ZNF654: variants seen among roughly 807,000 people sequenced by gnomAD.
The protein encoded by ZNF654 is melanoma-associated antigen.
In ZNF654, 19 loss-of-function variants were observed where a neutral mutation model predicts 95.3. The ratio of observed to expected loss-of-function variants is 0.20; its 90% CI spans 0.14 to 0.29. ZNF654 has a LOEUF of 0.29. Ranked by LOEUF, ZNF654 falls within the 10% of genes least tolerant of loss-of-function variation. The pLI is 1.00. For missense variants in ZNF654, 1,046 were observed against 1,341.0 expected, an observed-to-expected ratio of 0.78 and a Z score of 3.44; for synonymous variants, 413 against 457.9, an observed-to-expected ratio of 0.90 and a Z score of 1.25.
chr3:88,076,087 A>G (rs1306984357), intron 1 of ZNF654, among the ~76,000 whole-genome samples: 1 of 152,194 alleles, frequency 6.6e-6, no homozygotes, highest in Non-Finnish European at 1.5e-5. Context: ...ATGCACCTGA[A>G]ATGCTTCAGA....
At chr3:88,094,402 G>A (rs1206632920) in intron 2 of ZNF654, among the ~76,000 whole-genome samples, 4 of 152,132 alleles carry the variant, frequency 2.6e-5, no homozygotes, top group African/African-American at 9.7e-5. Flanking sequence ...TGAGCAAAGA[G>A]ATAGATTACT....
At chr3:88,113,343 T>C in intron 3 of ZNF654, 147 bp downstream of exon 3, 1 of 471,194 alleles carries the variant, frequency 2.1e-6, no homozygotes, top group Non-Finnish European at 3.7e-6. Context: ...TATTACTGGC[T>C]GATAAAGAAA....
chr3:88,101,139 A>G (rs1241892616), intron 2 of ZNF654, among the ~76,000 whole-genome samples: 1 of 152,180 alleles, frequency 6.6e-6, no homozygotes, highest in Non-Finnish European at 1.5e-5. Context: ...AAAAGTATAA[A>G]ATCCATATAA....
intron 7 of ZNF654, among the ~76,000 whole-genome samples, chr3:88,137,938 C>T (rs1213032510): frequency 3.3e-5 from 5 of 152,024 alleles, no homozygotes; most frequent in Non-Finnish European, 5.9e-5. Context: ...TATGGTGTCT[C>T]CTCCAATCAA....
intron 1 of ZNF654, among the ~76,000 whole-genome samples, chr3:88,067,767 A>G (rs926088838): frequency 5.9e-5 from 9 of 152,236 alleles, no homozygotes; most frequent in African/African-American, 2.2e-4. Context: ...AGGTTGGAGT[A>G]GTTCCAAGAG....
Position 88,140,961 on chromosome 3 carries a change from A to G in ZNF654, c.3292A>G (p.Thr1098Ala). Residue 1098 changes from threonine to alanine, a missense_variant, in exon 8 of 9, where the codon ACC (threonine) becomes GCC (alanine). Thr to Ala is a moderately conservative substitution (Grantham distance 58). Transcript: ENST00000636215. ...AAGATTAAGATGTGGCAAATGCCTGACCACCTACTGTAATGCAGAAGCACT... is the reference window on the plus strand; with the variant it reads ...AAGATTAAGATGTGGCAAATGCCTGGCCACCTACTGTAATGCAGAAGCACT... ...VKRLRCGKCL[T>A]TYCNAEALEA... 1 of 1,613,528 alleles carries G rather than the reference A, an allele frequency of 6.2e-7. No individual in the cohort carries two copies. The highest frequency in any genetic ancestry group is 8.5e-7 in the Non-Finnish European group (1 of 1,179,594).
intron 1 of ZNF654, among the ~76,000 whole-genome samples, chr3:88,074,233 A>G (rs1182056923): frequency 6.6e-6 from 1 of 151,920 alleles, no homozygotes; most frequent in African/African-American, 2.4e-5. Context: ...TGATTTAGAG[A>G]TGGGTATTTT....
chr3:88,115,262 A>G (rs1348538073), intron 3 of ZNF654, among the ~76,000 whole-genome samples: 4 of 152,112 alleles, frequency 2.6e-5, no homozygotes, highest in African/African-American at 9.7e-5. Flanking sequence ...TCTTTGTTGG[A>G]TTTGAGTTAA....
intron 4 of ZNF654, among the ~76,000 whole-genome samples, chr3:88,126,853 C>A (rs189868636): frequency 6.6e-6 from 1 of 152,222 alleles, no homozygotes; most frequent in East Asian, 1.9e-4. Context: ...AGCAGTATTT[C>A]CCAAACTTCA....
chr3:88,134,457 A>G (rs1706651823), intron 6 of ZNF654, among the ~76,000 whole-genome samples: 1 of 152,086 alleles, frequency 6.6e-6, no homozygotes, highest in Non-Finnish European at 1.5e-5. Context: ...GCCTTTGCCT[A>G]AAAACCCACC....
intron 3 of ZNF654, among the ~76,000 whole-genome samples, chr3:88,124,101 A>T (rs1383770256): frequency 6.6e-6 from 1 of 152,208 alleles, no homozygotes; most frequent in Non-Finnish European, 1.5e-5. Context: ...AGATGCCCTA[A>T]AATAAGATAT....
chr3:88,086,878 G>A (rs1224676413), intron 2 of ZNF654, among the ~76,000 whole-genome samples: 1 of 152,148 alleles, frequency 6.6e-6, no homozygotes, highest in Non-Finnish European at 1.5e-5. Context: ...CCCCTCCCGG[G>A]TTCACGCCAT....
Position 88,141,659 on chromosome 3 carries a change from C to T in ZNF654, c.*7C>T, listed in dbSNP as rs7432838. 1,280,657 of 1,498,578 alleles carry T rather than the reference C, an allele frequency of 0.85. 548,670 individuals are homozygous for T. Among genetic ancestry groups the T allele is most frequent in the East Asian group, 0.95 (39,710 of 41,956 alleles). The allele number at this position is 1,498,578 out of a possible 1,614,324, so 92.8% of individuals were successfully genotyped here. A position where few individuals can be genotyped will look rare whatever the true frequency, so the allele number is the denominator to read the frequency against. On this transcript the variant is annotated 3_prime_UTR_variant, in exon 9 of 9. Coordinates refer to ENST00000636215, the MANE Select transcript of ZNF654 (RefSeq NM_001350134.2). ...CTGTTTTACAGGTGCCTGATGAAAA[C>T]GGTTCAGAAAGATCTGTCAATCAAG...
intron 6 of ZNF654, 61 bp from the exon 7 acceptor site, chr3:88,135,000 G>C: frequency 8.5e-7 from 1 of 1,175,926 alleles, no homozygotes; most frequent in Non-Finnish European, 1.1e-6. Flanking sequence ...GGGAAAGATA[G>C]CTAATGTCTG....
At position 88,126,116 on chromosome 3, in the gene ZNF654, A is replaced by T. The variant is rs1443778543; in HGVS notation, c.415-18A>T. ...ACCCCTTTAAATTCACAGAGCCAAA[A>T]TGATTTTTCTCTCCTAGGAATGCCA... On this transcript the variant is annotated intron_variant, in intron 3 of 8. Transcript: ENST00000636215. 4.1e-6 allele frequency: 6 copies of T among 1,465,722 alleles called. No homozygotes were observed. The highest frequency in any genetic ancestry group is 4.5e-6 in the Non-Finnish European group (5 of 1,108,858). The allele number at this position is 1,465,722 out of a possible 1,614,324, so 90.8% of individuals were successfully genotyped here.
intron 2 of ZNF654, among the ~76,000 whole-genome samples, chr3:88,087,400 T>C (rs1708393900): frequency 6.6e-6 from 1 of 152,214 alleles, no homozygotes; most frequent in African/African-American, 2.4e-5. Context: ...TAAAAAATGC[T>C]TATAGAGAAC....
Position 88,139,429 on chromosome 3 carries a change from T to G in ZNF654, c.1760T>G (p.Met587Arg), listed in dbSNP as rs777446476. Residue 587 changes from methionine to arginine, a missense_variant, in exon 8 of 9, where the codon ATG (methionine) becomes AGG (arginine). Transcript: ENST00000636215. The stretch of plus-strand genomic sequence containing the variant: ...AGGAAATTTAGAAACAGAGGACTTA[T>G]GCAGAAGCATTTGAAGAATCATGTT... ...CGRKFRNRGLMQKHLKNHVKK... is the reference protein window; with the variant it reads ...CGRKFRNRGLRQKHLKNHVKK... 1.2e-6 allele frequency: 2 copies of G among 1,613,732 alleles called. No individual in the cohort carries two copies. Among genetic ancestry groups the G allele is most frequent in the African/African-American group, 1.3e-5 (1 of 74,938 alleles).
chr3:88,090,515 G>T (rs1198174566), intron 2 of ZNF654, among the ~76,000 whole-genome samples: 1 of 151,574 alleles, frequency 6.6e-6, no homozygotes, highest in Non-Finnish European at 1.5e-5. Flanking sequence ...TAGTCAAAAA[G>T]TTAAAAGTAA....
intron 7 of ZNF654, 53 bp from the exon 8 acceptor site, chr3:88,138,652 T>A: frequency 9.1e-7 from 1 of 1,101,420 alleles, no homozygotes; most frequent in Non-Finnish European, 1.2e-6. Context: ...TAGACTAGTA[T>A]AACCATTTTT....
Sources: allele counts gnomAD v4.1 joint callset (sites outside exome capture counted in the v4.1 genomes callset), GRCh38; gene constraint gnomAD v4.1.1; transcripts MANE v1.5; gene names NCBI Gene and HGNC (gene_info 2026-07-23, HGNC 2026-07-21).